ZNF217: variants seen among roughly 807,000 people sequenced by gnomAD.
ZNF217 encodes the protein zinc finger protein 217.
In ZNF217, 12 loss-of-function variants were observed where a neutral mutation model predicts 73.3. The ratio of observed to expected loss-of-function variants is 0.16; its 90% CI spans 0.10 to 0.27. The LOEUF (loss-of-function observed/expected upper bound fraction) is 0.27, where lower values mean the gene tolerates loss of function less well. ZNF217 is among the 10% of genes least tolerant of loss of function. ZNF217 has a pLI of 1.00. For synonymous variants in ZNF217, 588 were observed against 516.4 expected, an observed-to-expected ratio of 1.14 and a Z score of -1.88; for missense variants, 1,195 against 1,327.8, an observed-to-expected ratio of 0.90 and a Z score of 1.55.
chr20:53,583,488 A>G (rs1988585513), intron 1 of ZNF217, among the ~76,000 whole-genome samples: 1 of 152,262 alleles, frequency 6.6e-6, no homozygotes, highest in Non-Finnish European at 1.5e-5. Flanking sequence ...AAATGCCACT[A>G]AAATGCACAT....
chr20:53,594,674 C>T (rs1989008218), upstream of ZNF217, among the ~76,000 whole-genome samples: 1 of 152,026 alleles, frequency 6.6e-6, no homozygotes, highest in Admixed American at 6.5e-5. Context: ...TGCGCAGGCG[C>T]AGATCCGGCC....
chr20:53,569,723 T>C (rs191657360), intron 5 of ZNF217, among the ~76,000 whole-genome samples: 11 of 152,262 alleles, frequency 7.2e-5, no homozygotes, highest in Non-Finnish European at 1.5e-4. Flanking sequence ...ATGAAAGTAT[T>C]AGGAGAATGA....
At chr20:53,584,140 TA>T (rs1326108554) in intron 1 of ZNF217, among the ~76,000 whole-genome samples, 5 of 152,222 alleles carry the variant, frequency 3.3e-5, no homozygotes, top group Non-Finnish European at 7.3e-5. Flanking sequence ...GGAGAAGAAT[TA>T]ACTTCTAAAG....
chr20:53,582,071 G>C lies in ZNF217; in HGVS notation c.756C>G (p.Asp252Glu), dbSNP rs1988529786. 1.2e-6 allele frequency: 2 copies of C among 1,614,128 alleles called. No homozygotes were observed. The highest frequency in any genetic ancestry group is 8.5e-7 in the Non-Finnish European group (1 of 1,180,048). The change falls in exon 2 of 6, where the codon GAC becomes GAG. Residue 252 changes from aspartate (D) to glutamate (E), a missense_variant. Around this residue, in one of 9 missense-constraint regions of ZNF217, gnomAD observed 126 missense variants for 114.4 expected, o/e 1.10. Transcript: ENST00000371471. The surrounding 1 kb of genome is among the most constrained non-coding windows in gnomAD (Gnocchi z 4.8). Reference sequence around the variant, plus strand: ...AGGACGGCATTCCTCCTTGTGGAGAGTCTGTCTGCGCGCTGCTGGTACCGA... The same window carrying C: ...AGGACGGCATTCCTCCTTGTGGAGACTCTGTCTGCGCGCTGCTGGTACCGA... ...TAFGTSSAQTDSPQGGMPSSR... is the reference protein window; with the variant it reads ...TAFGTSSAQTESPQGGMPSSR...
chr20:53,594,010 G>A (rs1187734015), upstream of ZNF217, among the ~76,000 whole-genome samples: 1 of 151,348 alleles, frequency 6.6e-6, no homozygotes, highest in Non-Finnish European at 1.5e-5. Flanking sequence ...ATCCGCCGAG[G>A]AGCCTAGTGC....
chr20:53,593,515 T>C (rs1045707414), intron 1 of ZNF217, among the ~76,000 whole-genome samples: 4 of 142,838 alleles, frequency 2.8e-5, no homozygotes, highest in Non-Finnish European at 6.0e-5. Flanking sequence ...GCGGCGTGAG[T>C]GTGACGGCCA....
Position 53,567,071 on chromosome 20 carries a change from T to C in ZNF217, c.*2217A>G, listed in dbSNP as rs560478565. ...ACACAATAAACACTAAAACTCAAGA[T>C]TGCAAAACACCAAATCTATATTTAC... On this transcript the variant is annotated 3_prime_UTR_variant, in exon 6 of 6. Coordinates refer to ENST00000371471, the MANE Select transcript of ZNF217 (RefSeq NM_006526.3). 27 of 152,240 alleles carry C rather than the reference T, an allele frequency of 1.8e-4. No homozygotes were observed. The highest frequency in any genetic ancestry group is 1.7e-3 in the East Asian group (9 of 5,180). The allele number at this position is 152,240 out of a possible 1,614,324, so 9.4% of individuals were successfully genotyped here.
rs1341638051 is a variant in ZNF217, at chr20:53,581,022, TG to T, written c.1366+438del. Among the ~76,000 whole-genome samples the T allele has an allele frequency of 1.3e-5, 2 of 152,194 alleles. No homozygotes were observed. The highest frequency in any genetic ancestry group is 2.9e-5 in the Non-Finnish European group (2 of 68,026). On this transcript the variant is annotated intron_variant, in intron 2 of 5. Transcript: ENST00000371471. The surrounding 1 kb of genome is among the most constrained non-coding windows in gnomAD (Gnocchi z 4.9). The stretch of plus-strand genomic sequence containing the variant: ...ACTGTACCATGCTGAGCAGTGTCCC[TG>T]GCCTCTGCCCACTGGATGCCAGCAG...
At chr20:53,595,990 A>G (rs1989034772), upstream of ZNF217, among the ~76,000 whole-genome samples, 1 of 152,216 alleles carries the variant, frequency 6.6e-6, no homozygotes, top group Admixed American at 6.5e-5. Context: ...ACTGATAGTT[A>G]AAAATTCTAG....
chr20:53,571,635 G>T, intron 5 of ZNF217, 86 bp downstream of exon 5: 3 of 1,443,720 alleles, frequency 2.1e-6, no homozygotes, highest in Non-Finnish European at 1.8e-6. Context: ...TCAAATGCTC[G>T]ATCTCAGGTG....
At position 53,581,366 on chromosome 20, in the gene ZNF217, G is replaced by A. The variant is rs566028600; in HGVS notation, c.1366+95C>T. On this transcript the variant is annotated intron_variant, in intron 2 of 5. Transcript: ENST00000371471. The surrounding 1 kb of genome is among the most constrained non-coding windows in gnomAD (Gnocchi z 4.9). ...CTCTGGCTCTCCAAACCCCATTCCT[G>A]GCCAGCGTTGTCTGGAGATGGGAAT... The A allele has an allele frequency of 6.7e-7, 1 of 1,487,546 alleles. No homozygotes were observed. The highest frequency in any genetic ancestry group is 1.4e-5 in the African/African-American group (1 of 71,598). The allele number at this position is 1,487,546 out of a possible 1,614,324, so 92.1% of individuals were successfully genotyped here. A position where few individuals can be genotyped will look rare whatever the true frequency, so the allele number is the denominator to read the frequency against.
intron 4 of ZNF217, among the ~76,000 whole-genome samples, chr20:53,572,425 G>A (rs201658374): frequency 3.3e-5 from 5 of 150,018 alleles, no homozygotes; most frequent in Admixed American, 1.3e-4. Context: ...CAGAGGAGGG[G>A]AAAAAAAAAA....
At chr20:53,571,908 T>G in intron 4 of ZNF217, 55 bp from the exon 5 acceptor site, 1 of 1,524,912 alleles carries the variant, frequency 6.6e-7, no homozygotes, top group Non-Finnish European at 8.8e-7. Flanking sequence ...AGGTAAGATG[T>G]GTATAGGTTT....
chr20:53,594,390 C>T (rs1226361599), upstream of ZNF217, among the ~76,000 whole-genome samples: 2 of 150,652 alleles, frequency 1.3e-5, no homozygotes, highest in Admixed American at 1.3e-4. Flanking sequence ...CACACCGCCC[C>T]GGCCCCGCCC....
chr20:53,584,651 T>C (rs1988624362), intron 1 of ZNF217, among the ~76,000 whole-genome samples: 1 of 152,222 alleles, frequency 6.6e-6, no homozygotes, highest in Non-Finnish European at 1.5e-5. Context: ...ATACCACATC[T>C]TTCTATTATC....
upstream of ZNF217, among the ~76,000 whole-genome samples, chr20:53,595,550 T>TA (rs541584390): frequency 4.9e-4 from 74 of 152,332 alleles, no homozygotes; most frequent in East Asian, 0.013. Flanking sequence ...TATATATAAC[T>TA]ACTAACCCCA....
chr20:53,588,562 A>G (rs1988776215), intron 1 of ZNF217, among the ~76,000 whole-genome samples: 1 of 151,032 alleles, frequency 6.6e-6, no homozygotes, highest in Non-Finnish European at 1.5e-5. Context: ...CTCTGTAATG[A>G]AAACACTGAA....
In ZNF217 at chr20:53,576,699, A is replaced by C. The variant is rs1988288343; in HGVS notation, c.2065T>G (p.Leu689Val). ...CAATTGTGAAGAGCCCCCACGGATA[A>C]ATTTAAAGGTTTTTCGTGACAATCC... is the stretch of plus-strand genomic sequence containing the variant. ...SVDCHEKPLNLSVGALHNCPA... is the reference protein window; with the variant it reads ...SVDCHEKPLNVSVGALHNCPA... Residue 689 changes from leucine to valine, a missense_variant, in exon 4 of 6, where the codon TTA (leucine) becomes GTA (valine). Transcript: ENST00000371471. 6.2e-7 allele frequency: 1 copy of C among 1,614,056 alleles called. No individual in the cohort carries two copies. The highest frequency in any genetic ancestry group is 1.7e-5 in the Admixed American group (1 of 60,006).
chr20:53,595,219 CAT>C (rs1989021539), upstream of ZNF217, among the ~76,000 whole-genome samples: 1 of 152,118 alleles, frequency 6.6e-6, no homozygotes, highest in Non-Finnish European at 1.5e-5. Context: ...GAACCATAGA[CAT>C]AACAAGCACA....
Sources: allele counts gnomAD v4.1 joint callset (sites outside exome capture counted in the v4.1 genomes callset), GRCh38; gene constraint gnomAD v4.1.1; regional missense constraint gnomAD v4.1.1; non-coding constraint Gnocchi (gnomAD v3.1); transcripts MANE v1.5; gene names NCBI Gene and HGNC (gene_info 2026-07-23, HGNC 2026-07-21).